Variants in DPP9 observed in about 807,000 individuals in gnomAD.
DPP9 encodes dipeptidyl peptidase 9.
In DPP9, 50 loss-of-function variants were observed where a neutral mutation model predicts 110.7. The ratio of observed to expected loss-of-function variants is 0.45; its 90% CI spans 0.36 to 0.57. The LOEUF (loss-of-function observed/expected upper bound fraction) is 0.57, where lower values mean the gene tolerates loss of function less well. DPP9 is among the 20% of genes least tolerant of loss of function. The pLI is 0.00. For missense variants in DPP9, 1,022 were observed against 1,217.9 expected (o/e 0.84, Z 2.39); for synonymous variants, 561 against 514.4 (o/e 1.09, Z -1.23).
intron 1 of DPP9, chr19:4,722,814 G>C (rs763196544): frequency 9.7e-6 from 4 of 411,196 alleles, no homozygotes; most frequent in Non-Finnish European, 1.7e-5. Context: ...CTGGGCTTTA[G>C]TCCCAGCTCC....
chr19:4,711,355 C>T (rs1024320949), intron 4 of DPP9, among the ~76,000 whole-genome samples: 5 of 152,020 alleles, frequency 3.3e-5, no homozygotes, highest in East Asian at 1.9e-4. Flanking sequence ...TCCTGGGGCT[C>T]GGGTGTGGAG....
rs758807061 is a variant in DPP9, at chr19:4,689,657, G to A, written c.1662C>T (p.His554=). 108 of 1,564,780 alleles carry A rather than the reference G, an allele frequency of 6.9e-5. No individual in the cohort carries two copies. The highest frequency in any genetic ancestry group is 6.9e-5 in the Non-Finnish European group (80 of 1,154,618). The part of the protein sequence containing the change: ...FQGTKDTPLE[H]HLYVVSYEAA... ...CCTCATAGCTGACCACGTAGAGGTGGTGCTCCAGCGGCGTGTCCTTGGTGC... is the reference window on the plus strand; with the variant it reads ...CCTCATAGCTGACCACGTAGAGGTGATGCTCCAGCGGCGTGTCCTTGGTGC... Residue 554 remains histidine (H), a synonymous_variant, in exon 15 of 22, where the codon CAC becomes CAT. Coordinates refer to ENST00000262960, the MANE Select transcript of DPP9 (RefSeq NM_139159.5). This position sits in a 1 kb window ranked among gnomAD's most constrained non-coding sequence, Gnocchi z 7.0.
chr19:4,698,226 C>G lies in DPP9; in HGVS notation c.1075-575G>C, dbSNP rs1179208525. ...AGGGCTTCCCCATGCTTAAACAGGG[C>G]TGGCACGGCGTTTCCAGGGTATTGA... On this transcript the variant is annotated intron_variant, in intron 10 of 21. Coordinates refer to ENST00000262960, the MANE Select transcript of DPP9 (RefSeq NM_139159.5). The surrounding 1 kb of genome is among the most constrained non-coding windows in gnomAD (Gnocchi z 4.2). Among the ~76,000 whole-genome samples, 1 of 152,220 alleles carries G rather than the reference C, an allele frequency of 6.6e-6. No individual in the cohort carries two copies. Among genetic ancestry groups the G allele is most frequent in the Non-Finnish European group, 1.5e-5 (1 of 68,030 alleles).
Position 4,685,508 on chromosome 19 carries a change from A to G in DPP9, c.2031+118T>C. ...GGCAGGCGGGGTGGGCTGGGGCACC[A>G]GGCAGGTAGCCGGGGAGCCTCCTCT... On this transcript the variant is annotated intron_variant, in intron 17 of 21. Coordinates refer to ENST00000262960, the MANE Select transcript of DPP9 (RefSeq NM_139159.5). This position sits in a 1 kb window ranked among gnomAD's most constrained non-coding sequence, Gnocchi z 5.8. The G allele has an allele frequency of 8.5e-7, 1 of 1,174,270 alleles. No homozygotes were observed. The highest frequency in any genetic ancestry group is 1.2e-6 in the Non-Finnish European group (1 of 829,918). 72.7% of individuals were successfully genotyped at this position (1,174,270 alleles called of 1,614,324 possible).
At position 4,689,529 on chromosome 19, in the gene DPP9, G is replaced by A; in HGVS notation, c.1749+41C>T. 6.5e-7 allele frequency: 1 copy of A among 1,534,290 alleles called. No homozygotes were observed. The highest frequency in any genetic ancestry group is 8.7e-7 in the Non-Finnish European group (1 of 1,145,206). On this transcript the variant is annotated intron_variant, in intron 15 of 21. Coordinates refer to ENST00000262960, the MANE Select transcript of DPP9 (RefSeq NM_139159.5). The surrounding 1 kb of genome is among the most constrained non-coding windows in gnomAD (Gnocchi z 7.0). The stretch of plus-strand genomic sequence containing the variant: ...GGGACTGCTCTGGCTGGGAGCTGTT[G>A]GACGGGCACAGGGCGGTGCCGTGAG...
chr19:4,703,681 AAAAGAAAG>A (rs201640960), intron 7 of DPP9, among the ~76,000 whole-genome samples, 197 bp downstream of exon 7: 7 of 151,092 alleles, frequency 4.6e-5, no homozygotes, highest in African/African-American at 1.2e-4. Context: ...AAAAAAAAAA[AAAAGAAAG>A]AAAGAAAGAA....
chr19:4,703,757 G>A, intron 7 of DPP9, 129 bp downstream of exon 7: 1 of 927,754 alleles, frequency 1.1e-6, no homozygotes, highest in Non-Finnish European at 1.6e-6. Context: ...GTAGGCTACA[G>A]AAGGTATGCA....
chr19:4,704,085 G>C lies in DPP9; in HGVS notation c.601-31C>G, dbSNP rs1363288441. 6.2e-7 allele frequency: 1 copy of C among 1,613,600 alleles called. No homozygotes were observed. On this transcript the variant is annotated intron_variant, in intron 6 of 21. Coordinates refer to ENST00000262960, the MANE Select transcript of DPP9 (RefSeq NM_139159.5). This position sits in a 1 kb window ranked among gnomAD's most constrained non-coding sequence, Gnocchi z 6.0. ...GACAGAGACGCCCAGCTCAGGGGGA[G>C]GGGCCCTCCACGCCACCCCCGCACA...
At position 4,704,990 on chromosome 19, in the gene DPP9, T is replaced by C. The variant is rs1328603513; in HGVS notation, c.427-686A>G. 2.6e-5 allele frequency among the ~76,000 whole-genome samples: 4 copies of C among 151,772 alleles called. No homozygotes were observed. The highest frequency in any genetic ancestry group is 2.6e-4 in the Admixed American group (4 of 15,234). On this transcript the variant is annotated intron_variant, in intron 5 of 21. Coordinates refer to ENST00000262960, the MANE Select transcript of DPP9 (RefSeq NM_139159.5). The surrounding 1 kb of genome is among the most constrained non-coding windows in gnomAD (Gnocchi z 6.0). ...TATAGCCTGAGTGACAGAGTGAGAC[T>C]TTGTCTCAAAAAAAAAAGCAGAATC...
At chr19:4,678,661 AT>A (rs2089268411) in intron 21 of DPP9, among the ~76,000 whole-genome samples, 1 of 151,796 alleles carries the variant, frequency 6.6e-6, no homozygotes, top group Non-Finnish European at 1.5e-5. Context: ...CCGCCAAGAG[AT>A]CAGCTCATCA....
In DPP9 at chr19:4,698,599, A is replaced by G. The variant is rs1218932702; in HGVS notation, c.1075-948T>C. 6.6e-6 allele frequency among the ~76,000 whole-genome samples: 1 copy of G among 152,008 alleles called. No individual in the cohort carries two copies. The highest frequency in any genetic ancestry group is 1.5e-5 in the Non-Finnish European group (1 of 67,974). ...AGACCCCATCTCTACAAAACCCACA[A>G]TTAGTTAGGTGTGGTGGTGCATGCC... On this transcript the variant is annotated intron_variant, in intron 10 of 21. Transcript: ENST00000262960. The surrounding 1 kb of genome is among the most constrained non-coding windows in gnomAD (Gnocchi z 4.2).
intron 4 of DPP9, among the ~76,000 whole-genome samples, chr19:4,713,172 G>C (rs2092912997): frequency 6.6e-6 from 1 of 152,230 alleles, no homozygotes. Context: ...AGAACGATCT[G>C]GCCCCAATGT....
At chr19:4,681,835 A>C (rs1286318625) in intron 20 of DPP9, among the ~76,000 whole-genome samples, 1 of 144,724 alleles carries the variant, frequency 6.9e-6, no homozygotes, top group Non-Finnish European at 1.5e-5. Flanking sequence ...CAAAGTGCCC[A>C]GGCAGACTTT....
chr19:4,686,997 G>A (rs902706766), intron 16 of DPP9, among the ~76,000 whole-genome samples: 1 of 152,212 alleles, frequency 6.6e-6, no homozygotes, highest in Admixed American at 6.5e-5. Context: ...ACGTGGCACA[G>A]ATTGGGAGTT....
Position 4,719,595 on chromosome 19 carries a change from G to A in DPP9, c.56+256C>T, listed in dbSNP as rs566995056. On this transcript the variant is annotated intron_variant, in intron 3 of 21. Coordinates refer to ENST00000262960, the MANE Select transcript of DPP9 (RefSeq NM_139159.5). The stretch of plus-strand genomic sequence containing the variant: ...CATGAAGTGGGTGGAGGCCAGGGAC[G>A]CTGCTCAGCACCGTGAAGTGCCTGG... The A allele has an allele frequency of 1.6e-3, 869 of 545,248 alleles. 4 individuals carry two copies. Among genetic ancestry groups the A allele is most frequent in the Non-Finnish European group, 1.9e-3 (583 of 302,478 alleles). 33.8% of individuals were successfully genotyped at this position (545,248 alleles called of 1,614,324 possible).
Position 4,685,542 on chromosome 19 carries a change from G to C in DPP9, c.2031+84C>G. 1 of 1,420,058 alleles carries C rather than the reference G, an allele frequency of 7.0e-7. No homozygotes were observed. Among genetic ancestry groups the C allele is most frequent in the Non-Finnish European group, 9.6e-7 (1 of 1,038,704 alleles). The allele number at this position is 1,420,058 out of a possible 1,614,324, so 88.0% of individuals were successfully genotyped here. A position where few individuals can be genotyped will look rare whatever the true frequency, so the allele number is the denominator to read the frequency against. Reference sequence around the variant, plus strand: ...GCCGGGGAGCCTCCTCTGGTTGACTGTTCTACAGCTGGCACTTGAGTGGGG... The same window carrying C: ...GCCGGGGAGCCTCCTCTGGTTGACTCTTCTACAGCTGGCACTTGAGTGGGG... On this transcript the variant is annotated intron_variant, in intron 17 of 21. Transcript: ENST00000262960. This position sits in a 1 kb window ranked among gnomAD's most constrained non-coding sequence, Gnocchi z 5.8.
chr19:4,690,737 G>A lies in DPP9; in HGVS notation c.1596+141C>T, dbSNP rs946119897. On this transcript the variant is annotated intron_variant, in intron 14 of 21. Transcript: ENST00000262960. ...CTGCTGTAAAGCAGGGTCCTCACAG[G>A]TGTGTGTGCGTGTGTGTATGTGTGA... The A allele has an allele frequency of 2.5e-5, 18 of 710,420 alleles. No homozygotes were observed. The South Asian group carries it at 2.9e-4, about 11-fold the overall frequency. The allele number at this position is 710,420 out of a possible 1,614,324, so 44.0% of individuals were successfully genotyped here.
chr19:4,707,857 C>T (rs1374613196), intron 4 of DPP9, among the ~76,000 whole-genome samples: 1 of 151,756 alleles, frequency 6.6e-6, no homozygotes, highest in African/African-American at 2.4e-5. Flanking sequence ...AACTCCTGAC[C>T]TCAGGTGATC....
intron 5 of DPP9, 84 bp downstream of exon 5, chr19:4,705,774 G>A: frequency 9.7e-6 from 13 of 1,335,798 alleles, no homozygotes; most frequent in Non-Finnish European, 1.4e-5. Context: ...GCAGAGAGGT[G>A]ACCGAAGGCA....
Sources: gnomAD v4.1 joint callset for allele counts (sites outside exome capture counted in the v4.1 genomes callset) on GRCh38, gnomAD v4.1.1 for gene constraint, Gnocchi (gnomAD v3.1) non-coding constraint, MANE v1.5 for transcripts, NCBI Gene and HGNC (gene_info 2026-07-23, HGNC 2026-07-21) for gene names.